EML6: variants seen among roughly 807,000 people sequenced by gnomAD.
The protein encoded by EML6 is echinoderm microtubule-associated protein-like 6.
Under a neutral mutation model 240.1 loss-of-function variants are expected in EML6, and 154 were observed. The observed-to-expected ratio is 0.64, with a 90% CI of 0.56 to 0.73. EML6 has a LOEUF of 0.73. EML6 is among the 30% of genes least tolerant of loss of function. The pLI, the probability that EML6 is intolerant of heterozygous loss-of-function variation, is 0.00. For missense variants in EML6, 2,964 were observed against 2,474.6 expected (o/e 1.20, Z -4.20); for synonymous variants, 1,148 against 899.0 (o/e 1.28, Z -4.95).
intron 2 of EML6, among the ~76,000 whole-genome samples, chr2:54,763,496 C>T (rs1435605322): frequency 6.6e-6 from 1 of 151,996 alleles, no homozygotes; most frequent in Non-Finnish European, 1.5e-5. Flanking sequence ...GTATTCCAAG[C>T]TTCTTTCATT....
intron 10 of EML6, among the ~76,000 whole-genome samples, chr2:54,852,564 G>A (rs1670149845): frequency 6.6e-6 from 1 of 152,118 alleles, no homozygotes; most frequent in Non-Finnish European, 1.5e-5. Flanking sequence ...CTGTACTGGT[G>A]GAATTTTCTC....
chr2:54,849,896 T>A (rs1003512615), intron 9 of EML6, 66 bp from the exon 10 acceptor site: 6 of 1,336,582 alleles, frequency 4.5e-6, no homozygotes, highest in Non-Finnish European at 5.1e-6. Context: ...CTGACACATA[T>A]ATTTTAAAAC....
chr2:54,814,458 G>A (rs1403277447), intron 3 of EML6, among the ~76,000 whole-genome samples: 1 of 152,194 alleles, frequency 6.6e-6, no homozygotes, highest in African/African-American at 2.4e-5. Flanking sequence ...CCTGGCTCCG[G>A]CTGCATTCAT....
intron 2 of EML6, among the ~76,000 whole-genome samples, chr2:54,806,031 G>T (rs192991417): frequency 6.6e-6 from 1 of 151,758 alleles, no homozygotes; most frequent in Non-Finnish European, 1.5e-5. Context: ...GCAATATTCT[G>T]TCTTAATTCC....
Position 54,774,424 on chromosome 2 carries a change from G to A in EML6, c.198-38808G>A, listed in dbSNP as rs1668516164. Among the ~76,000 whole-genome samples, 1 of 152,132 alleles carries A rather than the reference G, an allele frequency of 6.6e-6. No homozygotes were observed. The highest frequency in any genetic ancestry group is 1.5e-5 in the Non-Finnish European group (1 of 68,020). ...GGTGAGGGAGCCGTTGGAAGTTGAGGTGATCCCTGAAGAGCCTGACAGACA... is the reference window on the plus strand; with the variant it reads ...GGTGAGGGAGCCGTTGGAAGTTGAGATGATCCCTGAAGAGCCTGACAGACA... On this transcript the variant is annotated intron_variant, in intron 2 of 41. Coordinates refer to ENST00000356458, the MANE Select transcript of EML6 (RefSeq NM_001039753.4). The surrounding 1 kb of genome is among the most constrained non-coding windows in gnomAD (Gnocchi z 4.1).
At chr2:54,925,927 C>T (rs376698100) in intron 26 of EML6, among the ~76,000 whole-genome samples, 1 of 152,178 alleles carries the variant, frequency 6.6e-6, no homozygotes, top group Non-Finnish European at 1.5e-5. Context: ...CCTTAAGTTT[C>T]CTCCTCAGAA....
intron 2 of EML6, among the ~76,000 whole-genome samples, chr2:54,757,316 G>A (rs1274303808): frequency 2.6e-5 from 4 of 152,148 alleles, no homozygotes; most frequent in Non-Finnish European, 5.9e-5. Context: ...AGCTCTATAT[G>A]AGGGGCAGTG....
At chr2:54,734,261 C>G (rs889764197) in intron 2 of EML6, among the ~76,000 whole-genome samples, 1 of 152,208 alleles carries the variant, frequency 6.6e-6, no homozygotes, top group Non-Finnish European at 1.5e-5. Flanking sequence ...TCGTTTGAAC[C>G]CAGGAAACAG....
At chr2:54,797,791 A>T (rs1669901762) in intron 2 of EML6, among the ~76,000 whole-genome samples, 1 of 152,206 alleles carries the variant, frequency 6.6e-6, no homozygotes, top group Non-Finnish European at 1.5e-5. Flanking sequence ...ACCACTTATC[A>T]GCCATGTAAT....
chr2:54,873,425 A>G (rs1046928347), intron 16 of EML6, among the ~76,000 whole-genome samples: 1 of 152,232 alleles, frequency 6.6e-6, no homozygotes, highest in African/African-American at 2.4e-5. Flanking sequence ...TAACACAGTC[A>G]GTAATTCACT....
intron 30 of EML6, 93 bp from the exon 31 acceptor site, chr2:54,952,501 A>G (rs1488414278): frequency 2.9e-6 from 2 of 697,046 alleles, no homozygotes; most frequent in African/African-American, 1.8e-5. Flanking sequence ...CACTTTTATA[A>G]GAAGTATCCA....
intron 19 of EML6, among the ~76,000 whole-genome samples, chr2:54,893,172 C>A (rs1176258016): frequency 6.6e-6 from 1 of 152,180 alleles, no homozygotes; most frequent in African/African-American, 2.4e-5. Context: ...TCAAGCTCAT[C>A]ATAATTGCCC....
intron 2 of EML6, among the ~76,000 whole-genome samples, chr2:54,758,586 C>G (rs1297196775): frequency 3.3e-5 from 5 of 152,172 alleles, no homozygotes; most frequent in Admixed American, 2.6e-4. Context: ...TATACTTCCT[C>G]CAACGTAGTA....
At position 54,760,336 on chromosome 2, in the gene EML6, G is replaced by A. The variant is rs1019302083; in HGVS notation, c.197+35078G>A. ...ATATTTTTCAGATCTTTATATTCAC[G>A]TACTACCCAAGAACATAACAGAGTA... is the stretch of plus-strand genomic sequence containing the variant. On this transcript the variant is annotated intron_variant, in intron 2 of 41. Coordinates refer to ENST00000356458, the MANE Select transcript of EML6 (RefSeq NM_001039753.4). Among the ~76,000 whole-genome samples the A allele has an allele frequency of 5.3e-5, 8 of 151,364 alleles. 1 individual carries two copies. Among genetic ancestry groups the A allele is most frequent in the African/African-American group, 9.7e-5 (4 of 41,212 alleles).
At chr2:54,864,107 T>C (rs1036665324) in intron 13 of EML6, among the ~76,000 whole-genome samples, 10 of 152,224 alleles carry the variant, frequency 6.6e-5, no homozygotes, top group Non-Finnish European at 7.3e-5. Context: ...ATTGCAAAGT[T>C]TGAAAACTGA....
At chr2:54,769,755 T>A (rs1428713751) in intron 2 of EML6, among the ~76,000 whole-genome samples, 2 of 152,156 alleles carry the variant, frequency 1.3e-5, no homozygotes, top group Admixed American at 6.5e-5. Context: ...TCACATAAGA[T>A]CTCTTTGTGA....
chr2:54,753,255 G>T (rs898742155), intron 2 of EML6, among the ~76,000 whole-genome samples: 16 of 152,156 alleles, frequency 1.1e-4, no homozygotes, highest in Admixed American at 6.5e-4. Flanking sequence ...TATTTTCTCT[G>T]ATCATCAATA....
At chr2:54,832,194 C>T (rs1026816229) in intron 7 of EML6, among the ~76,000 whole-genome samples, 3 of 152,212 alleles carry the variant, frequency 2.0e-5, no homozygotes, top group African/African-American at 7.2e-5. Context: ...TTACTGGTAA[C>T]AACTAAAGTC....
At chr2:54,928,826 C>G (rs1674702647) in intron 28 of EML6, 75 bp downstream of exon 28, 2 of 1,518,384 alleles carry the variant, frequency 1.3e-6, no homozygotes, top group Non-Finnish European at 1.8e-6. Context: ...AGTGCGTTTT[C>G]TTTGCCCTCA....
Sources: gnomAD v4.1 joint callset for allele counts (sites outside exome capture counted in the v4.1 genomes callset) on GRCh38, gnomAD v4.1.1 for gene constraint, Gnocchi (gnomAD v3.1) non-coding constraint, MANE v1.5 for transcripts, NCBI Gene and HGNC (gene_info 2026-07-23, HGNC 2026-07-21) for gene names.